PCDHGA11: variants seen among roughly 807,000 people sequenced by gnomAD.
The protein encoded by PCDHGA11 is protocadherin gamma subfamily A, 11.
Under a neutral mutation model 60.4 loss-of-function variants are expected in PCDHGA11, and 39 were observed. The ratio of observed to expected loss-of-function variants is 0.65; its 90% confidence interval spans 0.50 to 0.84. PCDHGA11 has a LOEUF of 0.84. PCDHGA11 is among the 40% of genes least tolerant of loss of function. The pLI, the probability that PCDHGA11 is intolerant of heterozygous loss-of-function variation, is 0.00. For missense variants in PCDHGA11, 1,165 were observed against 1,197.7 expected (o/e 0.97, Z 0.40); for synonymous variants, 533 against 510.3 (o/e 1.04, Z -0.60).
chr5:141,449,300 T>C (rs2098635283), intron 1 of PCDHGA11, among the ~76,000 whole-genome samples: 1 of 152,090 alleles, frequency 6.6e-6, no homozygotes, highest in Non-Finnish European at 1.5e-5. Flanking sequence ...GGGTGAATTA[T>C]ATGTATTATA....
At position 141,486,548 on chromosome 5, in the gene PCDHGA11, T is replaced by C; in HGVS notation, c.2434-8259T>C. 1 of 1,614,100 alleles carries C rather than the reference T, an allele frequency of 6.2e-7. No individual in the cohort carries two copies. ...TAATCCACCCTCTTTCTTTCAGAGG[T>C]CACATGAGGTGTTTGTTCCTGAGAA... is the stretch of plus-strand genomic sequence containing the variant. On this transcript the variant is annotated intron_variant, in intron 1 of 3. Coordinates refer to ENST00000398587, the MANE Select transcript of PCDHGA11 (RefSeq NM_018914.3). The surrounding 1 kb of genome is among the most constrained non-coding windows in gnomAD (Gnocchi z 5.0).
rs142703691 is a variant in PCDHGA11 at position 141,489,691 on chromosome 5, C to T, written c.2434-5116C>T. On this transcript the variant is annotated intron_variant, in intron 1 of 3. Transcript: ENST00000398587. The surrounding 1 kb of genome is among the most constrained non-coding windows in gnomAD (Gnocchi z 4.5). ...CTCAGAATCAGCAGCATCTGGGGCACGATTCCCACTGGACAGTGCCCAGGA... is the reference window on the plus strand; with the variant it reads ...CTCAGAATCAGCAGCATCTGGGGCATGATTCCCACTGGACAGTGCCCAGGA... 8.1e-6 allele frequency: 13 copies of T among 1,614,164 alleles called. No individual in the cohort carries two copies. The highest frequency in any genetic ancestry group is 3.3e-5 in the South Asian group (3 of 91,080).
At chr5:141,451,238 T>A (rs1167769789) in intron 1 of PCDHGA11, among the ~76,000 whole-genome samples, 6 of 152,214 alleles carry the variant, frequency 3.9e-5, no homozygotes, top group African/African-American at 1.4e-4. Context: ...TATTATCTCA[T>A]AAATTTTGTG....
At chr5:141,469,674 A>G (rs532726373) in intron 1 of PCDHGA11, among the ~76,000 whole-genome samples, 23 of 152,380 alleles carry the variant, frequency 1.5e-4, no homozygotes, top group Non-Finnish European at 2.2e-4. Flanking sequence ...TAATAAAACT[A>G]CATATGCATT....
rs1283688342 is a variant in PCDHGA11, at chr5:141,437,688, T to G, written c.2433+14028T>G. On this transcript the variant is annotated intron_variant, in intron 1 of 3. Transcript: ENST00000398587. ...GAGATGTTGATCAAACTGATGAGGCTAAATCTCAAGAAAGAGACACAGTTA... is the reference window on the plus strand; with the variant it reads ...GAGATGTTGATCAAACTGATGAGGCGAAATCTCAAGAAAGAGACACAGTTA... Among the ~76,000 whole-genome samples the G allele has an allele frequency of 4.0e-5, 6 of 151,890 alleles. 1 individual carries two copies. The East Asian group carries it at 1.2e-3, about 29-fold the overall frequency.
chr5:141,512,897 C>T lies in PCDHGA11; in HGVS notation c.*1724C>T, dbSNP rs1482341871. ...CTCCCACCCCACCCTCTTCCTGTGT[C>T]TCACGCAAGTTTTATACTCTAATAT... On this transcript the variant is annotated 3_prime_UTR_variant, in exon 4 of 4. Coordinates refer to ENST00000398587, the MANE Select transcript of PCDHGA11 (RefSeq NM_018914.3). 1.3e-5 allele frequency: 2 copies of T among 152,274 alleles called. No homozygotes were observed. The highest frequency in any genetic ancestry group is 4.8e-5 in the African/African-American group (2 of 41,470). The allele number at this position is 152,274 out of a possible 1,614,324, so 9.4% of individuals were successfully genotyped here. A position where few individuals can be genotyped will look rare whatever the true frequency, so the allele number is the denominator to read the frequency against.
intron 1 of PCDHGA11, among the ~76,000 whole-genome samples, chr5:141,425,111 A>G (rs2096857405): frequency 6.6e-6 from 1 of 152,144 alleles, no homozygotes; most frequent in Admixed American, 6.5e-5. Context: ...AGATGCCTAC[A>G]TTTTTCTTGA....
Position 141,426,411 on chromosome 5 carries a change from C to A in PCDHGA11, c.2433+2751C>A, listed in dbSNP as rs1561821998. 10 of 286,096 alleles carry A rather than the reference C, an allele frequency of 3.5e-5. No homozygotes were observed. In the South Asian group the frequency reaches 3.7e-4, roughly 11 times the overall value. The allele number at this position is 286,096 out of a possible 1,614,324, so 17.7% of individuals were successfully genotyped here. On this transcript the variant is annotated intron_variant, in intron 1 of 3. Coordinates refer to ENST00000398587, the MANE Select transcript of PCDHGA11 (RefSeq NM_018914.3). ...GCTACTCTATTCCAGAAGAAACGGT[C>A]CAGGGCTCCGTGGTGGGGAACCTTG... is the stretch of plus-strand genomic sequence containing the variant.
chr5:141,423,577 G>A lies in PCDHGA11; in HGVS notation c.2350G>A (p.Glu784Lys), dbSNP rs1348410879. Reference protein sequence around the residue: ...PNYGDTLISQESCEKSEPLLI... With the variant: ...PNYGDTLISQKSCEKSEPLLI... ...CTATGGGGACACGCTCATCAGCCAG[G>A]AGAGCTGTGAGAAAAGCGAGCCACT... Residue 784 changes from glutamate (E) to lysine (K), a missense_variant, in exon 1 of 4, where the codon GAG becomes AAG. By Grantham distance (56) the Glu-to-Lys change is moderately conservative. Transcript: ENST00000398587. 1 of 1,613,478 alleles carries A rather than the reference G, an allele frequency of 6.2e-7. No individual in the cohort carries two copies. The highest frequency in any genetic ancestry group is 8.5e-7 in the Non-Finnish European group (1 of 1,179,636).
chr5:141,438,122 A>T (rs1272350030), intron 1 of PCDHGA11, among the ~76,000 whole-genome samples: 1 of 152,214 alleles, frequency 6.6e-6, no homozygotes, highest in Non-Finnish European at 1.5e-5. Flanking sequence ...CATTCCTAAA[A>T]TATTAATGGC....
At chr5:141,488,546 G>A (rs2099676755) in intron 1 of PCDHGA11, among the ~76,000 whole-genome samples, 1 of 152,188 alleles carries the variant, frequency 6.6e-6, no homozygotes, top group African/African-American at 2.4e-5. Context: ...TCCCATGTCA[G>A]CTGACATTGA....
intron 1 of PCDHGA11, among the ~76,000 whole-genome samples, chr5:141,455,138 T>C (rs1393664563): frequency 6.6e-6 from 1 of 151,028 alleles, no homozygotes; most frequent in Non-Finnish European, 1.5e-5. Context: ...TTACACTGTG[T>C]TAAATAAATA....
At chr5:141,438,883 C>T (rs1026043786) in intron 1 of PCDHGA11, among the ~76,000 whole-genome samples, 4 of 151,728 alleles carry the variant, frequency 2.6e-5, no homozygotes, top group Non-Finnish European at 5.9e-5. Context: ...CCAGGCTGCT[C>T]TTGAACTCCT....
Position 141,491,454 on chromosome 5 carries a change from C to T in PCDHGA11, c.2434-3353C>T. The T allele has an allele frequency of 1.9e-6, 3 of 1,614,120 alleles. No individual in the cohort carries two copies. The highest frequency in any genetic ancestry group is 2.5e-6 in the Non-Finnish European group (3 of 1,180,032). On this transcript the variant is annotated intron_variant, in intron 1 of 3. Coordinates refer to ENST00000398587, the MANE Select transcript of PCDHGA11 (RefSeq NM_018914.3). This position sits in a 1 kb window ranked among gnomAD's most constrained non-coding sequence, Gnocchi z 6.9. ...GCTGCAGGCGCCAGGACTCACCCTCCCCGGACTTCTATAAGCAGTCCAGCC... is the reference window on the plus strand; with the variant it reads ...GCTGCAGGCGCCAGGACTCACCCTCTCCGGACTTCTATAAGCAGTCCAGCC...
chr5:141,444,467 G>A (rs1288596542), intron 1 of PCDHGA11, among the ~76,000 whole-genome samples: 3 of 151,998 alleles, frequency 2.0e-5, no homozygotes, highest in African/African-American at 4.8e-5. Flanking sequence ...CACTGCGCCC[G>A]GTCGCGTACT....
chr5:141,478,073 G>A (rs756198123), intron 1 of PCDHGA11: 1 of 1,614,098 alleles, frequency 6.2e-7, no homozygotes, highest in Admixed American at 1.7e-5. Context: ...AGACAATGGG[G>A]AGCCTTCGCT....
At chr5:141,474,126 A>G (rs1450071391) in intron 1 of PCDHGA11, among the ~76,000 whole-genome samples, 2 of 152,232 alleles carry the variant, frequency 1.3e-5, no homozygotes, top group African/African-American at 4.8e-5. Context: ...AAAATCTCAG[A>G]AAACTACAGG....
chr5:141,457,680 G>A lies in PCDHGA11; in HGVS notation c.2433+34020G>A, dbSNP rs866876250. 2.6e-5 allele frequency among the ~76,000 whole-genome samples: 4 copies of A among 152,290 alleles called. No individual in the cohort carries two copies. The South Asian group carries it at 8.3e-4, about 32-fold the overall frequency. On this transcript the variant is annotated intron_variant, in intron 1 of 3. Coordinates refer to ENST00000398587, the MANE Select transcript of PCDHGA11 (RefSeq NM_018914.3). The stretch of plus-strand genomic sequence containing the variant: ...AGCAAGAATGGTTATTTCTACATAG[G>A]ACTTTTGGATTGGCTTTGATGAAAC...
At chr5:141,478,735 G>T in intron 1 of PCDHGA11, 1 of 1,535,968 alleles carries the variant, frequency 6.5e-7, no homozygotes, top group Non-Finnish European at 8.8e-7. Flanking sequence ...AGTGTGGTTT[G>T]TGGTCCCATT....
Sources: allele counts gnomAD v4.1 joint callset (sites outside exome capture counted in the v4.1 genomes callset), GRCh38; gene constraint gnomAD v4.1.1; non-coding constraint Gnocchi (gnomAD v3.1); transcripts MANE v1.5; gene names NCBI Gene and HGNC (gene_info 2026-07-23, HGNC 2026-07-21).